SPAG17: variants seen among roughly 807,000 people sequenced by gnomAD.
SPAG17 encodes sperm-associated antigen 17.
Under a neutral mutation model 273.6 loss-of-function variants are expected in SPAG17, and 169 were observed. That is an observed-to-expected ratio of 0.62 (90% CI 0.55 to 0.70). The LOEUF is 0.70. Among genes scored for constraint, SPAG17 ranks in the 30% least tolerant of loss-of-function variants. The pLI is 0.00. For synonymous variants in SPAG17, 825 were observed against 873.2 expected (o/e 0.94, Z 0.97); for missense variants, 2,557 against 2,627.8 (o/e 0.97, Z 0.59).
chr1:118,025,645 A>G (rs1647655359), intron 26 of SPAG17, among the ~76,000 whole-genome samples: 1 of 151,992 alleles, frequency 6.6e-6, no homozygotes, highest in African/African-American at 2.4e-5. Context: ...CTTGCACCAC[A>G]ACACCCTGTT....
intron 17 of SPAG17, among the ~76,000 whole-genome samples, chr1:118,071,624 G>A (rs576251410): frequency 1.3e-5 from 2 of 151,932 alleles, no homozygotes; most frequent in African/African-American, 4.8e-5. Flanking sequence ...CAGGCTGGGC[G>A]ACACAGCGAG....
intron 1 of SPAG17, among the ~76,000 whole-genome samples, chr1:118,153,645 G>A (rs1659503340): frequency 6.6e-6 from 1 of 152,082 alleles, no homozygotes; most frequent in Admixed American, 6.5e-5. Flanking sequence ...TCAGGAGATC[G>A]AGACCATTCT....
At chr1:118,018,280 C>T (rs1346663373) in intron 28 of SPAG17, among the ~76,000 whole-genome samples, 2 of 152,158 alleles carry the variant, frequency 1.3e-5, no homozygotes, top group East Asian at 1.9e-4. Flanking sequence ...AGAAATCATT[C>T]GTGTCCTTTC....
intron 2 of SPAG17, among the ~76,000 whole-genome samples, chr1:118,150,910 C>T (rs920131602): frequency 1.3e-5 from 2 of 152,058 alleles, no homozygotes; most frequent in Middle Eastern, 3.2e-3. Flanking sequence ...CATGTACCTC[C>T]CTGGAATCTT....
At chr1:118,022,380 T>C (rs553934423) in intron 28 of SPAG17, among the ~76,000 whole-genome samples, 2 of 151,934 alleles carry the variant, frequency 1.3e-5, no homozygotes, top group Admixed American at 6.6e-5. Flanking sequence ...ATGATGACCA[T>C]CACAATGGTA....
At chr1:118,056,030 A>G (rs1400235187) in intron 18 of SPAG17, 116 bp from the exon 19 acceptor site, 2 of 783,128 alleles carry the variant, frequency 2.6e-6, no homozygotes, top group Non-Finnish European at 4.0e-6. Flanking sequence ...GAGTTTGAAT[A>G]CATCCTAGAT....
At chr1:118,173,756 A>G (rs1467427010) in intron 1 of SPAG17, among the ~76,000 whole-genome samples, 1 of 151,424 alleles carries the variant, frequency 6.6e-6, no homozygotes, top group African/African-American at 2.4e-5. Context: ...CAGCTACTTG[A>G]GGCTGACTTG....
intron 27 of SPAG17, among the ~76,000 whole-genome samples, chr1:118,023,904 A>G (rs2101843294): frequency 6.6e-6 from 1 of 152,276 alleles, no homozygotes; most frequent in South Asian, 2.1e-4. Context: ...TCTAGGTACC[A>G]CAGATATGTC....
At position 118,011,990 on chromosome 1, in the gene SPAG17, C is replaced by T. The variant is rs191444676; in HGVS notation, c.4432+238G>A. Among the ~76,000 whole-genome samples, 226 of 151,538 alleles carry T rather than the reference C, an allele frequency of 1.5e-3. 1 individual carries two copies. The highest frequency in any genetic ancestry group is 5.2e-3 in the African/African-American group (214 of 41,318). The stretch of plus-strand genomic sequence containing the variant: ...ATATATATATATACACAATATCTGT[C>T]AATTAAAAGAATAAATTAAATTTTA... On this transcript the variant is annotated intron_variant, in intron 30 of 48. Coordinates refer to ENST00000336338, the MANE Select transcript of SPAG17 (RefSeq NM_206996.4).
intron 1 of SPAG17, among the ~76,000 whole-genome samples, chr1:118,173,112 G>C (rs528449197): frequency 6.6e-6 from 1 of 151,782 alleles, no homozygotes; most frequent in African/African-American, 2.4e-5. Context: ...GAAAGCTCCA[G>C]TCCCTCTTTG....
intron 40 of SPAG17, among the ~76,000 whole-genome samples, chr1:117,987,525 A>C (rs1656557362): frequency 6.6e-6 from 1 of 152,210 alleles, no homozygotes; most frequent in Non-Finnish European, 1.5e-5. Flanking sequence ...AAGAACCTTG[A>C]AAGTTTATGA....
rs369064242 is a variant in SPAG17, at chr1:117,953,614, A to G, written c.*436T>C. On this transcript the variant is annotated 3_prime_UTR_variant, in exon 49 of 49. Transcript: ENST00000336338. ...CTTTTTAGTAAAAGTTTTATTCTGT[A>G]TCAACCAGAAAGCCATTTTTTTGGC... The G allele has an allele frequency of 3.9e-6, 6 of 1,519,820 alleles. No homozygotes were observed. Among genetic ancestry groups the G allele is most frequent in the Non-Finnish European group, 5.4e-6 (6 of 1,121,354 alleles). The allele number at this position is 1,519,820 out of a possible 1,614,324, so 94.1% of individuals were successfully genotyped here.
chr1:117,975,776 G>T (rs895373619), intron 43 of SPAG17, among the ~76,000 whole-genome samples: 1 of 152,188 alleles, frequency 6.6e-6, no homozygotes, highest in African/African-American at 2.4e-5. Flanking sequence ...ACTATTCTCT[G>T]CAGAGGCAAG....
chr1:117,981,510 G>T, intron 42 of SPAG17, 109 bp from the exon 43 acceptor site: 1 of 1,157,286 alleles, frequency 8.6e-7, no homozygotes, highest in South Asian at 1.6e-5. Flanking sequence ...AATGAATGAG[G>T]TACCTTTTCT....
intron 25 of SPAG17, 83 bp downstream of exon 25, chr1:118,031,609 A>T (rs1353991479): frequency 7.3e-7 from 1 of 1,368,058 alleles, no homozygotes; most frequent in Admixed American, 1.9e-5. Flanking sequence ...CTATAATAAC[A>T]CTATTGACAT....
intron 26 of SPAG17, among the ~76,000 whole-genome samples, chr1:118,027,295 G>A (rs1178319459): frequency 1.3e-5 from 2 of 152,124 alleles, no homozygotes; most frequent in Non-Finnish European, 1.5e-5. Flanking sequence ...AAGGAGAAGC[G>A]AAATTTAACT....
chr1:118,150,495 C>A lies in SPAG17; in HGVS notation c.315+48G>T, dbSNP rs113757455. 1.5e-5 allele frequency: 16 copies of A among 1,087,292 alleles called. 1 individual carries two copies. The Admixed American group carries it at 2.4e-4, about 16-fold the overall frequency. The allele number at this position is 1,087,292 out of a possible 1,614,324, so 67.4% of individuals were successfully genotyped here. A position where few individuals can be genotyped will look rare whatever the true frequency, so the allele number is the denominator to read the frequency against. The stretch of plus-strand genomic sequence containing the variant: ...TGGCTATCAAATTATTACTTCAATT[C>A]TTTTTTCTAAAAACACAAAAATATC... On this transcript the variant is annotated intron_variant, in intron 3 of 48. Coordinates refer to ENST00000336338, the MANE Select transcript of SPAG17 (RefSeq NM_206996.4).
rs752346771 is a variant in SPAG17 at position 118,055,868 on chromosome 1, T to C, written c.2587A>G (p.Lys863Glu). Reference sequence around the variant, plus strand: ...GATTCCTGATATATAGCTTCTTCTTTTGTAATCCAATCTTGAATAGATTTT... The same window carrying C: ...GATTCCTGATATATAGCTTCTTCTTCTGTAATCCAATCTTGAATAGATTTT... Reference protein sequence around the residue: ...VAKSIQDWITKEEAIYQESKM... With the variant: ...VAKSIQDWITEEEAIYQESKM... The change falls in exon 19 of 49, where the codon AAA (lysine) becomes GAA (glutamate). Residue 863 changes from lysine to glutamate, a missense_variant. Coordinates refer to ENST00000336338, the MANE Select transcript of SPAG17 (RefSeq NM_206996.4). 2.7e-5 allele frequency: 43 copies of C among 1,612,098 alleles called. No homozygotes were observed. The highest frequency in any genetic ancestry group is 3.3e-5 in the Non-Finnish European group (39 of 1,179,460).
rs558685067 is a variant in SPAG17, at chr1:118,011,763, C to T, written c.4432+465G>A. Among the ~76,000 whole-genome samples, 13 of 151,966 alleles carry T rather than the reference C, an allele frequency of 8.6e-5. No homozygotes were observed. In the South Asian group the frequency reaches 2.7e-3, roughly 32 times the overall value. ...AATAAAACACACACACACACAGACA[C>T]ACACACACACACAGTGAGGAGTGTG... On this transcript the variant is annotated intron_variant, in intron 30 of 48. Transcript: ENST00000336338.
Sources: allele counts gnomAD v4.1 joint callset (sites outside exome capture counted in the v4.1 genomes callset), GRCh38; gene constraint gnomAD v4.1.1; transcripts MANE v1.5; gene names NCBI Gene and HGNC (gene_info 2026-07-23, HGNC 2026-07-21).